OR1B1: variants seen among roughly 807,000 people sequenced by gnomAD.
OR1B1 encodes olfactory receptor 1B1.
For synonymous variants in OR1B1, 168 were observed against 156.2 expected (o/e 1.08, Z -0.57); for missense variants, 414 against 402.1 (o/e 1.03, Z -0.25).
At chr9:122,640,462 C>T in the OR1B1 span, among the ~76,000 whole-genome samples, 953 of 151,860 alleles carry the variant, frequency 6.3e-3, 9 homozygotes, top group Middle Eastern at 0.014. Flanking sequence ...ATAATATAGT[C>T]GAAGGATCCA....
the OR1B1 span, among the ~76,000 whole-genome samples, chr9:122,649,894 A>C: frequency 6.6e-6 from 1 of 152,238 alleles, no homozygotes; most frequent in African/African-American, 2.4e-5. Context: ...CAACCCCATT[A>C]CTGAGTATAT....
upstream of OR1B1, among the ~76,000 whole-genome samples, chr9:122,632,622 C>G (rs1322695256): frequency 6.6e-6 from 1 of 152,154 alleles, no homozygotes; most frequent in African/African-American, 2.4e-5. Flanking sequence ...ATTCTTTTCC[C>G]TTTGCATCCT....
At chr9:122,628,587 C>A in exon 1 of OR1B1, 1 of 1,596,624 alleles carries the variant, frequency 6.3e-7, no homozygotes, top group East Asian at 2.2e-5. Context: ...AATCAGGGGT[C>A]TACCTTCACC....
the OR1B1 span, among the ~76,000 whole-genome samples, chr9:122,642,061 G>A: frequency 6.6e-6 from 1 of 152,044 alleles, no homozygotes; most frequent in Non-Finnish European, 1.5e-5. Context: ...AGAGTAGAAG[G>A]AAAGCAGAAA....
downstream of OR1B1, chr9:122,628,494 C>A (rs4836903): frequency 1.2e-6 from 1 of 836,686 alleles, no homozygotes; most frequent in Non-Finnish European, 1.9e-6. Flanking sequence ...AGGCCCTCCA[C>A]CCCTCTGATC....
At chr9:122,653,457 A>G in the OR1B1 span, among the ~76,000 whole-genome samples, 1 of 152,304 alleles carries the variant, frequency 6.6e-6, no homozygotes, top group African/African-American at 2.4e-5. Flanking sequence ...TATTGCTACT[A>G]TTAAATAAGT....
upstream of OR1B1, among the ~76,000 whole-genome samples, chr9:122,634,335 CAA>C (rs754164135): frequency 1.0e-4 from 9 of 86,752 alleles, no homozygotes; most frequent in Admixed American, 1.4e-4. Flanking sequence ...AACTCCATCT[CAA>C]AAAAAAAAAA....
the OR1B1 span, among the ~76,000 whole-genome samples, chr9:122,657,265 A>G: frequency 6.7e-6 from 1 of 149,378 alleles, no homozygotes; most frequent in South Asian, 2.1e-4. Flanking sequence ...GTCTTTACAC[A>G]TATTACATAA....
chr9:122,635,861 T>G, the OR1B1 span, among the ~76,000 whole-genome samples: 5 of 151,072 alleles, frequency 3.3e-5, no homozygotes, highest in African/African-American at 1.2e-4. Context: ...GAGGTTATAT[T>G]AAAAGCAACA....
At chr9:122,633,504 T>C (rs1011248181), upstream of OR1B1, among the ~76,000 whole-genome samples, 2 of 152,120 alleles carry the variant, frequency 1.3e-5, no homozygotes, top group Non-Finnish European at 2.9e-5. Flanking sequence ...ATCAACAGAA[T>C]GAAAAGGCAG....
chr9:122,632,972 C>T (rs1024572587), upstream of OR1B1, among the ~76,000 whole-genome samples: 3 of 152,114 alleles, frequency 2.0e-5, no homozygotes, highest in Non-Finnish European at 2.9e-5. Context: ...GCACATCTCA[C>T]ATGGCGGCAG....
At chr9:122,629,062 G>A in exon 1 of OR1B1, 1 of 1,613,818 alleles carries the variant, frequency 6.2e-7, no homozygotes, top group Non-Finnish European at 8.5e-7. Context: ...CACGCAACAT[G>A]GTGTGCAGTA....
At chr9:122,635,431 T>G in the OR1B1 span, among the ~76,000 whole-genome samples, 2 of 152,166 alleles carry the variant, frequency 1.3e-5, no homozygotes, top group African/African-American at 4.8e-5. Context: ...AGGATGGATG[T>G]CTAGAGGTAT....
At chr9:122,630,190 T>C (rs781619339), upstream of OR1B1, among the ~76,000 whole-genome samples, 5 of 152,218 alleles carry the variant, frequency 3.3e-5, no homozygotes, top group African/African-American at 4.8e-5. Context: ...AAATTATCCA[T>C]GTTTGCTGAT....
upstream of OR1B1, among the ~76,000 whole-genome samples, chr9:122,633,067 G>A (rs1830221046): frequency 6.6e-6 from 1 of 152,030 alleles, no homozygotes; most frequent in Admixed American, 6.6e-5. Context: ...AACAGCACAG[G>A]ACAGACCTGC....
the OR1B1 span, among the ~76,000 whole-genome samples, chr9:122,635,429 T>A: frequency 2.0e-5 from 3 of 152,330 alleles, no homozygotes; most frequent in African/African-American, 7.2e-5. Context: ...GTAGGATGGA[T>A]GTCTAGAGGT....
chr9:122,652,122 G>T, the OR1B1 span, among the ~76,000 whole-genome samples: 2 of 152,016 alleles, frequency 1.3e-5, no homozygotes, highest in African/African-American at 4.8e-5. Flanking sequence ...ATTAAAATTA[G>T]AAATATTTTT....
the OR1B1 span, among the ~76,000 whole-genome samples, chr9:122,641,138 G>A: frequency 6.6e-6 from 1 of 152,132 alleles, no homozygotes; most frequent in Non-Finnish European, 1.5e-5. Context: ...AGGGTATAGT[G>A]CATCAAAGCA....
At chr9:122,631,368 G>A (rs575312487), upstream of OR1B1, among the ~76,000 whole-genome samples, 4 of 150,146 alleles carry the variant, frequency 2.7e-5, no homozygotes, top group African/African-American at 9.8e-5. Context: ...TAGTAGAGAC[G>A]GGGTTTCACC....
Sources: allele counts gnomAD v4.1 joint callset (sites outside exome capture counted in the v4.1 genomes callset), GRCh38; gene constraint gnomAD v4.1.1; transcripts MANE v1.5; gene names NCBI Gene and HGNC (gene_info 2026-07-23, HGNC 2026-07-21).